The following TENM2 variants were observed in gnomAD, a reference collection of about 807,000 sequenced individuals.
TENM2 encodes the protein teneurin-2.
In TENM2, 52 loss-of-function variants were observed where a neutral mutation model predicts 245.2. The observed-to-expected ratio is 0.21, with a 90% confidence interval of 0.17 to 0.27. The LOEUF (loss-of-function observed/expected upper bound fraction) is 0.27, where lower values mean the gene tolerates loss of function less well. Ranked by LOEUF, TENM2 falls within the 10% of genes least tolerant of loss-of-function variation. The pLI, the probability that TENM2 is intolerant of heterozygous loss-of-function variation, is 1.00. For missense variants in TENM2, 3,046 were observed against 3,666.8 expected (o/e 0.83, Z 4.37); for synonymous variants, 1,363 against 1,438.9 (o/e 0.95, Z 1.19).
the TENM2 span, among the ~76,000 whole-genome samples, chr5:167,015,640 A>AGTTT: frequency 6.6e-6 from 1 of 152,196 alleles, no homozygotes; most frequent in African/African-American, 2.4e-5. Context: ...TACAAATTAT[A>AGTTT]GTTTGTTTGT....
the TENM2 span, among the ~76,000 whole-genome samples, chr5:167,054,865 T>A: frequency 6.6e-6 from 1 of 152,156 alleles, no homozygotes. Context: ...GCTCATTTTT[T>A]AAAAATTGGG....
At chr5:167,627,474 G>GTATATTTGA (rs1163005178) in intron 2 of TENM2, among the ~76,000 whole-genome samples, 1 of 151,930 alleles carries the variant, frequency 6.6e-6, no homozygotes, top group Non-Finnish European at 1.5e-5. Context: ...TATCTAGGAT[G>GTATATTTGA]TATATTTGAT....
chr5:167,578,770 AC>A, intron 2 of TENM2, among the ~76,000 whole-genome samples: 1 of 152,318 alleles, frequency 6.6e-6, no homozygotes, highest in Middle Eastern at 3.4e-3. Flanking sequence ...TGACTAACTT[AC>A]CTTGAACTCT....
the TENM2 span, among the ~76,000 whole-genome samples, chr5:167,207,320 G>A: frequency 6.6e-6 from 1 of 152,184 alleles, no homozygotes; most frequent in African/African-American, 2.4e-5. Flanking sequence ...CCCAAAGTGG[G>A]AAAGAGAACG....
chr5:167,428,025 AT>A (rs1177124646), intron 2 of TENM2, among the ~76,000 whole-genome samples: 1 of 152,118 alleles, frequency 6.6e-6, no homozygotes, highest in East Asian at 1.9e-4. Flanking sequence ...ATTCTAGTGT[AT>A]TTTTCCATTC....
Position 167,959,894 on chromosome 5 carries a change from G to A in TENM2, c.947+7072G>A, listed in dbSNP as rs148982748. Among the ~76,000 whole-genome samples the A allele has an allele frequency of 6.2e-3, 946 of 152,256 alleles. 10 individuals are homozygous for A. Among genetic ancestry groups the A allele is most frequent in the Non-Finnish European group, 9.8e-3 (669 of 68,018 alleles). ...CTTCAGATGGGTTTTCTGAGTGGAC[G>A]TCCTTTTTGTTGATGGTGATGCTAT... is the stretch of plus-strand genomic sequence containing the variant. On this transcript the variant is annotated intron_variant, in intron 4 of 28. Transcript: ENST00000518659.
intron 1 of TENM2, among the ~76,000 whole-genome samples, chr5:167,354,507 C>A (rs1759183319): frequency 1.3e-5 from 2 of 152,116 alleles, no homozygotes; most frequent in Admixed American, 1.3e-4. Context: ...CCTAAACCCT[C>A]CCCCATCTTC....
chr5:167,433,856 T>C (rs1764386060), intron 2 of TENM2, among the ~76,000 whole-genome samples: 1 of 152,134 alleles, frequency 6.6e-6, no homozygotes, highest in African/African-American at 2.4e-5. Flanking sequence ...AATTGATATA[T>C]TTACAAAAAG....
chr5:167,298,934 T>C (rs1037937083), intron 1 of TENM2, among the ~76,000 whole-genome samples: 2 of 152,140 alleles, frequency 1.3e-5, no homozygotes, highest in African/African-American at 4.8e-5. Context: ...GACAAGTTTT[T>C]GGGGGCACAG....
chr5:167,347,001 C>T lies in TENM2; in HGVS notation c.227-28197C>T, dbSNP rs890362902. Among the ~76,000 whole-genome samples, 7 of 151,992 alleles carry T rather than the reference C, an allele frequency of 4.6e-5. No homozygotes were observed. In the East Asian group the frequency reaches 5.8e-4, roughly 13 times the overall value. On this transcript the variant is annotated intron_variant, in intron 1 of 28. Coordinates refer to ENST00000518659, the Ensembl canonical transcript of TENM2. The stretch of plus-strand genomic sequence containing the variant: ...GTTGCCCAGGCTGGTCTTAAACTCC[C>T]GAGCTGAAGTAATCCGGACACCTTG...
chr5:167,656,671 GT>G (rs1754863933), intron 2 of TENM2, among the ~76,000 whole-genome samples: 2 of 151,670 alleles, frequency 1.3e-5, no homozygotes, highest in South Asian at 4.2e-4. Context: ...AAATATATGC[GT>G]TTTTAAAACA....
intron 2 of TENM2, among the ~76,000 whole-genome samples, chr5:167,589,739 CTT>C (rs1775753257): frequency 6.6e-6 from 1 of 151,858 alleles, no homozygotes; most frequent in Admixed American, 6.6e-5. Context: ...TGCATTCATT[CTT>C]ATACAGTGGA....
At chr5:168,170,436 G>A (rs528123023) in intron 13 of TENM2, among the ~76,000 whole-genome samples, 12 of 152,142 alleles carry the variant, frequency 7.9e-5, no homozygotes, top group East Asian at 1.9e-4. Flanking sequence ...CCCAGGAGGC[G>A]GAGGCTGCAG....
At chr5:167,258,196 G>T in the TENM2 span, among the ~76,000 whole-genome samples, 1 of 134,626 alleles carries the variant, frequency 7.4e-6, no homozygotes, top group East Asian at 2.1e-4. Flanking sequence ...AAAATGTGTT[G>T]CCATATATAT....
chr5:168,242,483 C>T (rs549570090), intron 25 of TENM2, among the ~76,000 whole-genome samples: 1 of 152,202 alleles, frequency 6.6e-6, no homozygotes, highest in Non-Finnish European at 1.5e-5. Context: ...GGCCTAAGTT[C>T]CAGACCAATC....
At chr5:167,550,464 T>G (rs1372944670) in intron 2 of TENM2, among the ~76,000 whole-genome samples, 1 of 152,158 alleles carries the variant, frequency 6.6e-6, no homozygotes, top group East Asian at 1.9e-4. Context: ...GGTGGGCGTT[T>G]ATGGCTCTAA....
At chr5:167,379,312 A>G (rs576847799) in intron 2 of TENM2, among the ~76,000 whole-genome samples, 1 of 152,268 alleles carries the variant, frequency 6.6e-6, no homozygotes, top group African/African-American at 2.4e-5. Context: ...TCCTCGGCAG[A>G]GTTCCAACAC....
chr5:167,768,992 A>C (rs1238622587), intron 2 of TENM2, among the ~76,000 whole-genome samples: 3 of 152,194 alleles, frequency 2.0e-5, no homozygotes, highest in African/African-American at 4.8e-5. Context: ...AAAAATCTGA[A>C]ATAGTGTTAC....
At chr5:168,027,589 G>A (rs1478516183) in intron 5 of TENM2, among the ~76,000 whole-genome samples, 1 of 152,098 alleles carries the variant, frequency 6.6e-6, no homozygotes, top group Admixed American at 6.6e-5. Flanking sequence ...AGTGCTCAGG[G>A]TTCTTTTATG....
Sources: gnomAD v4.1 joint callset for allele counts (sites outside exome capture counted in the v4.1 genomes callset) on GRCh38, gnomAD v4.1.1 for gene constraint, MANE v1.5 for transcripts, NCBI Gene and HGNC (gene_info 2026-07-23, HGNC 2026-07-21) for gene names.